The following SOX5 variants were observed in gnomAD, a reference collection of about 807,000 sequenced individuals.
SOX5 encodes transcription factor SOX-5.
In SOX5, 9 loss-of-function variants were observed where a neutral mutation model predicts 92.0. The observed-to-expected ratio is 0.10, with a 90% CI of 0.06 to 0.17. SOX5 has a LOEUF of 0.17. Among genes scored for constraint, SOX5 ranks in the 10% least tolerant of loss-of-function variants. SOX5 has a pLI of 1.00. For missense variants in SOX5, 642 were observed against 944.5 expected (o/e 0.68, Z 4.20); for synonymous variants, 344 against 336.3 (o/e 1.02, Z -0.25).
chr12:23,573,316 C>T (rs376636888), intron 10 of SOX5, among the ~76,000 whole-genome samples: 27 of 152,202 alleles, frequency 1.8e-4, no homozygotes, highest in Admixed American at 8.5e-4. Flanking sequence ...CATATTCTTC[C>T]GCTCTGTATA....
At chr12:23,822,848 T>C (rs901246437) in intron 3 of SOX5, among the ~76,000 whole-genome samples, 1 of 152,226 alleles carries the variant, frequency 6.6e-6, no homozygotes, top group Admixed American at 6.5e-5. Flanking sequence ...TAACTCTTCT[T>C]GTTGCATTGA....
At chr12:23,585,592 A>T (rs1950614211) in intron 9 of SOX5, among the ~76,000 whole-genome samples, 1 of 152,174 alleles carries the variant, frequency 6.6e-6, no homozygotes, top group Non-Finnish European at 1.5e-5. Flanking sequence ...ACTGAGTTCC[A>T]CTGTTCAGGT....
At chr12:23,950,048 A>G (rs562164307), upstream of SOX5, among the ~76,000 whole-genome samples, 7 of 152,074 alleles carry the variant, frequency 4.6e-5, no homozygotes, top group South Asian at 2.1e-4. Context: ...TAAAACTCAC[A>G]CACACACATA....
At chr12:24,012,032 T>A (rs911384092) in intron 4 of SOX5, among the ~76,000 whole-genome samples, 2 of 152,176 alleles carry the variant, frequency 1.3e-5, no homozygotes, top group African/African-American at 2.4e-5. Flanking sequence ...GGTCCATGCG[T>A]TCTTTAGCCA....
intron 6 of SOX5, among the ~76,000 whole-genome samples, chr12:23,705,840 C>A (rs1326011041): frequency 6.6e-6 from 1 of 152,020 alleles, no homozygotes; most frequent in Non-Finnish European, 1.5e-5. Flanking sequence ...GAATGTGAAG[C>A]GGTCCCCTTT....
intron 4 of SOX5, among the ~76,000 whole-genome samples, chr12:23,999,401 A>G (rs1158053511): frequency 1.3e-5 from 2 of 152,150 alleles, no homozygotes; most frequent in African/African-American, 4.8e-5. Flanking sequence ...TGGTCACTAT[A>G]GTTAATAATA....
intron 1 of SOX5, among the ~76,000 whole-genome samples, chr12:24,553,566 C>G (rs1378985064): frequency 6.6e-6 from 1 of 152,166 alleles, no homozygotes; most frequent in Non-Finnish European, 1.5e-5. Context: ...CAATTCAATG[C>G]CCTCAGGGAG....
intron 8 of SOX5, among the ~76,000 whole-genome samples, chr12:23,631,123 G>C (rs1217194006): frequency 1.3e-5 from 2 of 151,928 alleles, no homozygotes; most frequent in African/African-American, 4.8e-5. Context: ...ATATTAAATA[G>C]TTTTCTAGTA....
At chr12:23,958,796 A>C (rs1388724809) in intron 4 of SOX5, among the ~76,000 whole-genome samples, 2 of 151,780 alleles carry the variant, frequency 1.3e-5, no homozygotes, top group Non-Finnish European at 2.9e-5. Context: ...TTAATTTGTT[A>C]TACTTAGTAA....
chr12:23,671,613 AT>A (rs1285231576), intron 6 of SOX5, among the ~76,000 whole-genome samples: 1 of 152,176 alleles, frequency 6.6e-6, no homozygotes, highest in Non-Finnish European at 1.5e-5. Context: ...CTGATTTTTC[AT>A]TTCATATAAA....
chr12:23,790,089 T>C (rs776792981), intron 3 of SOX5, among the ~76,000 whole-genome samples: 2 of 152,198 alleles, frequency 1.3e-5, no homozygotes, highest in South Asian at 2.1e-4. Context: ...TATGTTCATA[T>C]AGAATGTACC....
chr12:24,334,015 C>CAT (rs1457236107), intron 2 of SOX5, among the ~76,000 whole-genome samples: 13 of 151,342 alleles, frequency 8.6e-5, no homozygotes, highest in South Asian at 2.1e-4. Flanking sequence ...CAAATTCTAT[C>CAT]ATATATATAT....
At chr12:24,342,934 A>G (rs920872765) in intron 2 of SOX5, among the ~76,000 whole-genome samples, 3 of 152,244 alleles carry the variant, frequency 2.0e-5, no homozygotes, top group Non-Finnish European at 4.4e-5. Context: ...CCTGTTAGCC[A>G]TATCAAACTT....
intron 3 of SOX5, among the ~76,000 whole-genome samples, chr12:23,837,811 CTATATTTATATTTATATAATATATAAGA>C (rs1350821513): frequency 0.011 from 228 of 21,712 alleles, 2 homozygotes; most frequent in South Asian, 0.03. Context: ...AATATATAAG[CTATATTTATATTTATATAATATATAAGA>C]TATATTTATA....
intron 4 of SOX5, among the ~76,000 whole-genome samples, chr12:24,105,253 T>C (rs941378866): frequency 2.6e-5 from 4 of 152,138 alleles, no homozygotes; most frequent in Non-Finnish European, 4.4e-5. Context: ...TTTAAAACCA[T>C]TTTTTGGCCA....
chr12:24,472,426 C>G (rs1944914418), intron 1 of SOX5, among the ~76,000 whole-genome samples: 2 of 152,202 alleles, frequency 1.3e-5, no homozygotes. Flanking sequence ...TTATTACAGA[C>G]AAATCATTCC....
intron 5 of SOX5, among the ~76,000 whole-genome samples, chr12:23,736,334 C>T (rs540318255): frequency 3.8e-4 from 58 of 151,814 alleles, no homozygotes; most frequent in Non-Finnish European, 7.5e-4. Flanking sequence ...TGGTGGCGGG[C>T]GCCTGTAGTC....
intron 4 of SOX5, among the ~76,000 whole-genome samples, chr12:23,744,591 T>G (rs193043003): frequency 6.6e-6 from 1 of 152,324 alleles, no homozygotes; most frequent in Admixed American, 6.5e-5. Context: ...TTTCCTTTAA[T>G]TTTAATGAAA....
chr12:24,468,941 G>A (rs1413917021), intron 1 of SOX5, among the ~76,000 whole-genome samples: 2 of 152,166 alleles, frequency 1.3e-5, no homozygotes, highest in African/African-American at 4.8e-5. Context: ...TGTTTCCACA[G>A]ACCAGGGTGG....
Sources: gnomAD v4.1 joint callset for allele counts (sites outside exome capture counted in the v4.1 genomes callset) on GRCh38, gnomAD v4.1.1 for gene constraint, MANE v1.5 for transcripts, NCBI Gene and HGNC (gene_info 2026-07-23, HGNC 2026-07-21) for gene names.